The following ATG5 variants were observed in gnomAD, a reference collection of about 807,000 sequenced individuals.
The protein encoded by ATG5 is autophagy protein 5.
ATG5 carries 14 observed loss-of-function variants against 36.5 expected under a neutral mutation model. That is an observed-to-expected ratio of 0.38 (90% CI 0.25 to 0.60). The LOEUF is 0.60. ATG5 is among the 20% of genes least tolerant of loss of function. The pLI is 0.60. For missense variants in ATG5, 195 were observed against 326.7 expected (o/e 0.60, Z 3.11); for synonymous variants, 95 against 101.5 (o/e 0.94, Z 0.38).
chr6:106,282,642 A>G (rs1017326832), intron 4 of ATG5, among the ~76,000 whole-genome samples: 3 of 152,216 alleles, frequency 2.0e-5, no homozygotes, highest in South Asian at 2.1e-4. Flanking sequence ...TAGGCTTTTC[A>G]TATCTATCCT....
chr6:106,204,951 A>G (rs1012634850), intron 6 of ATG5, among the ~76,000 whole-genome samples: 3 of 152,240 alleles, frequency 2.0e-5, no homozygotes, highest in African/African-American at 7.2e-5. Context: ...AACTGTGTAA[A>G]GATAATAAGG....
intron 2 of ATG5, among the ~76,000 whole-genome samples, chr6:106,312,789 C>G (rs1184633816): frequency 6.6e-6 from 1 of 152,072 alleles, no homozygotes. Flanking sequence ...TGAAAATTAA[C>G]AAACAGACTC....
intron 3 of ATG5, among the ~76,000 whole-genome samples, chr6:106,308,052 C>A (rs925464566): frequency 3.3e-5 from 5 of 151,940 alleles, no homozygotes; most frequent in Non-Finnish European, 5.9e-5. Context: ...TGAATAATGT[C>A]AAGAGATGAC....
At chr6:106,315,224 A>T (rs62422887) in intron 2 of ATG5, among the ~76,000 whole-genome samples, 3,231 of 152,354 alleles carry the variant, frequency 0.021, 58 homozygotes, top group Non-Finnish European at 0.031. Context: ...CAAAGGGCAG[A>T]CTTCATTAAA....
intron 5 of ATG5, among the ~76,000 whole-genome samples, chr6:106,275,953 C>T (rs193028910): frequency 8.6e-4 from 131 of 152,264 alleles, no homozygotes; most frequent in South Asian, 1.0e-3. Context: ...TGAGTGTGGC[C>T]GGGTTCCAGT....
intron 5 of ATG5, among the ~76,000 whole-genome samples, chr6:106,250,039 GTT>G (rs1778507723): frequency 6.6e-6 from 1 of 151,674 alleles, no homozygotes; most frequent in Non-Finnish European, 1.5e-5. Context: ...TCTGTACATT[GTT>G]TTTTAAGCAA....
At chr6:106,242,797 A>T (rs1778179714) in intron 6 of ATG5, among the ~76,000 whole-genome samples, 1 of 152,214 alleles carries the variant, frequency 6.6e-6, no homozygotes, top group African/African-American at 2.4e-5. Context: ...CTAACCAGTA[A>T]GTCCTTCTTT....
intron 3 of ATG5, among the ~76,000 whole-genome samples, chr6:106,302,329 G>C (rs1351923014): frequency 1.3e-5 from 2 of 152,102 alleles, no homozygotes; most frequent in East Asian, 3.9e-4. Flanking sequence ...GGAAAGAAGT[G>C]GGATCATGGA....
intron 6 of ATG5, among the ~76,000 whole-genome samples, chr6:106,240,432 G>A (rs913338228): frequency 5.3e-5 from 8 of 150,616 alleles, no homozygotes; most frequent in African/African-American, 1.7e-4. Flanking sequence ...ACAAAATACA[G>A]TGCAATTTAC....
At chr6:106,261,768 T>C (rs1779028405) in intron 5 of ATG5, among the ~76,000 whole-genome samples, 1 of 152,188 alleles carries the variant, frequency 6.6e-6, no homozygotes, top group African/African-American at 2.4e-5. Flanking sequence ...GGAGGTAGTA[T>C]TGACAGAGCC....
At chr6:106,292,983 TTATG>T in intron 4 of ATG5, 41 bp downstream of exon 4, 1 of 1,468,470 alleles carries the variant, frequency 6.8e-7, no homozygotes, top group Non-Finnish European at 9.4e-7. Context: ...AGTCTATTTA[TTATG>T]TATCACAAAT....
chr6:106,290,805 T>TCA (rs1334566888), intron 4 of ATG5, among the ~76,000 whole-genome samples: 1 of 152,192 alleles, frequency 6.6e-6, no homozygotes, highest in East Asian at 1.9e-4. Flanking sequence ...GTTGACCCTT[T>TCA]CACTATGAAA....
chr6:106,234,356 T>C (rs1051797417), intron 6 of ATG5, among the ~76,000 whole-genome samples: 1 of 152,154 alleles, frequency 6.6e-6, no homozygotes, highest in Non-Finnish European at 1.5e-5. Context: ...TTTCAGGCCA[T>C]GCATTTCAAT....
At chr6:106,313,679 A>T (rs1770738520) in intron 2 of ATG5, among the ~76,000 whole-genome samples, 1 of 152,218 alleles carries the variant, frequency 6.6e-6, no homozygotes. Context: ...TTATGCACAG[A>T]GGCAACAAAT....
rs139927375 is a variant in ATG5 at position 106,238,487 on chromosome 6, C to T, written c.573+9663G>A. 2.3e-4 allele frequency among the ~76,000 whole-genome samples: 35 copies of T among 152,318 alleles called. No homozygotes were observed. In the East Asian group the frequency reaches 4.2e-3, roughly 18 times the overall value. On this transcript the variant is annotated intron_variant, in intron 6 of 7. Transcript: ENST00000369076. ...CCCTCTCTCCCCTTTCCTCCAAATT[C>T]CATCTCCTATTAACACACCAGCTCT...
At chr6:106,278,673 T>C (rs528003263) in intron 5 of ATG5, among the ~76,000 whole-genome samples, 1 of 152,362 alleles carries the variant, frequency 6.6e-6, no homozygotes, top group South Asian at 2.1e-4. Context: ...TATCAGTTTG[T>C]TTCTTTGTTG....
intron 6 of ATG5, among the ~76,000 whole-genome samples, chr6:106,237,817 T>C (rs941566418): frequency 2.6e-5 from 4 of 152,360 alleles, no homozygotes; most frequent in African/African-American, 4.8e-5. Context: ...TTTGTTCATA[T>C]AGTTTATATA....
intron 5 of ATG5, among the ~76,000 whole-genome samples, chr6:106,267,231 C>A (rs539925382): frequency 6.6e-6 from 1 of 152,278 alleles, no homozygotes; most frequent in East Asian, 1.9e-4. Context: ...CATGAGTGAA[C>A]TCCCATTCAC....
intron 6 of ATG5, among the ~76,000 whole-genome samples, chr6:106,206,840 T>C (rs1051403885): frequency 2.0e-5 from 3 of 152,194 alleles, no homozygotes; most frequent in African/African-American, 7.2e-5. Context: ...ATTAGCCCGA[T>C]GTTAGAGCTC....
Sources: gnomAD v4.1 joint callset for allele counts (sites outside exome capture counted in the v4.1 genomes callset) on GRCh38, gnomAD v4.1.1 for gene constraint, MANE v1.5 for transcripts, NCBI Gene and HGNC (gene_info 2026-07-23, HGNC 2026-07-21) for gene names.